The following NCAM1 variants were observed in gnomAD, a reference collection of about 807,000 sequenced individuals.
NCAM1 encodes the protein neural cell adhesion molecule 1.
Under a neutral mutation model 109.8 loss-of-function variants are expected in NCAM1, and 14 were observed. That is an observed-to-expected ratio of 0.13 (90% CI 0.08 to 0.20). NCAM1 has a LOEUF of 0.20. Among genes scored for constraint, NCAM1 ranks in the 10% least tolerant of loss-of-function variants. The pLI is 1.00. For synonymous variants in NCAM1, 418 were observed against 442.9 expected, an observed-to-expected ratio of 0.94 and a Z score of 0.70; for missense variants, 774 against 1,109.9, an observed-to-expected ratio of 0.70 and a Z score of 4.30.
At chr11:113,246,395 G>A in intron 15 of NCAM1, 25 bp downstream of exon 15, 1 of 736,546 alleles carries the variant, frequency 1.4e-6, no homozygotes, top group African/African-American at 1.7e-5. Context: ...TCTGATTAGT[G>A]AAATAAATCT....
At chr11:113,231,842 G>A (rs1555117323) in intron 10 of NCAM1, 47 bp downstream of exon 10, 1 of 1,609,440 alleles carries the variant, frequency 6.2e-7, no homozygotes, top group Admixed American at 1.7e-5. Context: ...GGGCAAGGCA[G>A]GGTCAGGATG....
chr11:113,014,251 A>T (rs1952150706), intron 1 of NCAM1, among the ~76,000 whole-genome samples: 1 of 152,186 alleles, frequency 6.6e-6, no homozygotes, highest in African/African-American at 2.4e-5. Flanking sequence ...GCTGTACAAA[A>T]TATACAGTGC....
chr11:113,048,254 G>C (rs781885669), intron 1 of NCAM1, among the ~76,000 whole-genome samples: 3 of 152,210 alleles, frequency 2.0e-5, no homozygotes, highest in Non-Finnish European at 4.4e-5. Context: ...TGTTGTTTTT[G>C]ACAGAAACGT....
At chr11:113,118,784 T>A (rs1259895045) in intron 1 of NCAM1, among the ~76,000 whole-genome samples, 3 of 151,906 alleles carry the variant, frequency 2.0e-5, no homozygotes, top group African/African-American at 7.3e-5. Flanking sequence ...AATTTTAGTA[T>A]TCATTTGAGG....
At chr11:113,148,557 G>A (rs1591367251) in intron 1 of NCAM1, among the ~76,000 whole-genome samples, 1 of 152,122 alleles carries the variant, frequency 6.6e-6, no homozygotes, top group Non-Finnish European at 1.5e-5. Flanking sequence ...GCCCCAAGGT[G>A]AGGAAGTGGG....
At chr11:113,049,892 T>G (rs1423670658) in intron 1 of NCAM1, among the ~76,000 whole-genome samples, 2 of 152,112 alleles carry the variant, frequency 1.3e-5, no homozygotes, top group African/African-American at 4.8e-5. Flanking sequence ...AGAGAAAGCT[T>G]GATTGAGTTA....
intron 1 of NCAM1, among the ~76,000 whole-genome samples, chr11:113,188,838 T>TGTGA (rs1943592376): frequency 1.3e-5 from 2 of 151,904 alleles, no homozygotes; most frequent in South Asian, 2.1e-4. Context: ...AGTGTGAGTG[T>TGTGA]GTGTGTGTGT....
intron 1 of NCAM1, among the ~76,000 whole-genome samples, chr11:113,059,292 T>A (rs1462211318): frequency 6.6e-5 from 10 of 152,218 alleles, no homozygotes; most frequent in Non-Finnish European, 1.3e-4. Context: ...CATGGGACAG[T>A]GTTACTATTA....
intron 1 of NCAM1, among the ~76,000 whole-genome samples, chr11:113,165,294 G>A (rs561871311): frequency 2.6e-5 from 4 of 152,280 alleles, no homozygotes; most frequent in African/African-American, 4.8e-5. Flanking sequence ...ATTTGGAAAA[G>A]GCCAATCGCT....
chr11:113,045,133 C>A (rs988991207), intron 1 of NCAM1, among the ~76,000 whole-genome samples: 1 of 152,176 alleles, frequency 6.6e-6, no homozygotes, highest in Non-Finnish European at 1.5e-5. Flanking sequence ...ATTCGTTAAA[C>A]ACATACGAAA....
intron 1 of NCAM1, among the ~76,000 whole-genome samples, chr11:113,171,474 A>C (rs1334490644): frequency 2.0e-5 from 3 of 152,156 alleles, no homozygotes; most frequent in African/African-American, 4.8e-5. Context: ...TCTACTAAAA[A>C]TACAAAAAAT....
intron 1 of NCAM1, among the ~76,000 whole-genome samples, chr11:113,114,669 G>A (rs561132224): frequency 6.6e-6 from 1 of 152,282 alleles, no homozygotes; most frequent in Non-Finnish European, 1.5e-5. Flanking sequence ...GAGCCACAGT[G>A]CTCTGAGAGC....
intron 9 of NCAM1, among the ~76,000 whole-genome samples, chr11:113,230,072 TAAAGTA>T (rs1555116922): frequency 6.6e-6 from 1 of 151,334 alleles, no homozygotes; most frequent in East Asian, 1.9e-4. Context: ...CCCTAAAACT[TAAAGTA>T]TAATTAAAAA....
rs1458017794 is a variant in NCAM1, at chr11:113,255,793, C to T, written c.1829-84C>T. 49 of 1,486,922 alleles carry T rather than the reference C, an allele frequency of 3.3e-5. No homozygotes were observed. In the East Asian group the frequency reaches 1.2e-3, roughly 35 times the overall value. 92.1% of individuals were successfully genotyped at this position (1,486,922 alleles called of 1,614,324 possible). A position where few individuals can be genotyped will look rare whatever the true frequency, so the allele number is the denominator to read the frequency against. ...AGAAAGCAAGAAAAGTGTCCAGCCCCACCCTGTCACTCCATCCCATTCAGA... is the reference window on the plus strand; with the variant it reads ...AGAAAGCAAGAAAAGTGTCCAGCCCTACCCTGTCACTCCATCCCATTCAGA... On this transcript the variant is annotated intron_variant, in intron 15 of 19. Transcript: ENST00000316851.
At position 113,265,039 on chromosome 11, in the gene NCAM1, C is replaced by A. The variant is rs1254539320; in HGVS notation, c.2131+4716C>A. ...AGTTGTGCTGCCCATGCTCCACACA[C>A]CATGGGGCCCCTTTGCTCATTTTTG... On this transcript the variant is annotated intron_variant, in intron 17 of 19. Coordinates refer to ENST00000316851, the MANE Select transcript of NCAM1 (RefSeq NM_181351.5). The A allele has an allele frequency of 3.0e-5, 30 of 985,424 alleles. No individual in the cohort carries two copies. In the African/African-American group the frequency reaches 5.1e-4, roughly 17 times the overall value. The allele number at this position is 985,424 out of a possible 1,614,324, so 61.0% of individuals were successfully genotyped here.
At chr11:113,231,522 G>A (rs1945005045) in intron 9 of NCAM1, 123 bp from the exon 10 acceptor site, 1 of 1,050,152 alleles carries the variant, frequency 9.5e-7, no homozygotes, top group Non-Finnish European at 1.4e-6. Context: ...AGAGGAGAGA[G>A]GAAGTGAGAC....
chr11:112,986,870 G>A (rs1555069736), intron 1 of NCAM1, among the ~76,000 whole-genome samples: 1 of 151,704 alleles, frequency 6.6e-6, no homozygotes, highest in Non-Finnish European at 1.5e-5. Context: ...ATTTTTAAAT[G>A]TTTTTCTAGC....
chr11:112,995,325 G>T (rs185343932), intron 1 of NCAM1, among the ~76,000 whole-genome samples: 2 of 152,180 alleles, frequency 1.3e-5, no homozygotes, highest in African/African-American at 4.8e-5. Flanking sequence ...TTATATCATA[G>T]CTGTCTGAGA....
intron 1 of NCAM1, among the ~76,000 whole-genome samples, chr11:113,134,730 A>G (rs1190394568): frequency 6.6e-6 from 1 of 152,030 alleles, no homozygotes; most frequent in Non-Finnish European, 1.5e-5. Context: ...CATCACCCTC[A>G]CACTGGAATG....
Sources: allele counts gnomAD v4.1 joint callset (sites outside exome capture counted in the v4.1 genomes callset), GRCh38; gene constraint gnomAD v4.1.1; transcripts MANE v1.5; gene names NCBI Gene and HGNC (gene_info 2026-07-23, HGNC 2026-07-21).